Variants in EVI5 observed in about 807,000 individuals in gnomAD.
EVI5 encodes the protein ecotropic viral integration site 5.
Under a neutral mutation model 112.0 loss-of-function variants are expected in EVI5, and 73 were observed. The ratio of observed to expected loss-of-function variants is 0.65; its 90% CI spans 0.54 to 0.79. The LOEUF (loss-of-function observed/expected upper bound fraction) is 0.79. EVI5 is among the 30% of genes least tolerant of loss of function. The pLI is 0.00. For synonymous variants in EVI5, 305 were observed against 319.9 expected, an observed-to-expected ratio of 0.95 and a Z score of 0.50; for missense variants, 900 against 968.8, an observed-to-expected ratio of 0.93 and a Z score of 0.94.
chr1:92,579,695 GA>G (rs984037481), intron 18 of EVI5, among the ~76,000 whole-genome samples: 1 of 152,008 alleles, frequency 6.6e-6, no homozygotes, highest in African/African-American at 2.4e-5. Context: ...TGTTTGAGGG[GA>G]AAAAACTAGA....
rs201103592 is a variant in EVI5 at position 92,624,322 on chromosome 1, G to C, written c.1681C>G (p.Arg561Gly). The change falls in exon 16 of 20, where the codon CGT becomes GGT. Residue 561 changes from arginine to glycine, a missense_variant. Arg to Gly is a moderately radical substitution (Grantham distance 125). Coordinates refer to ENST00000684568, the MANE Select transcript of EVI5 (RefSeq NM_001350197.2). ...LEEHWQRHLA[R>G]TTGRWKDPPK... ...GGGTCTTTCCATCTCCCAGTAGTACGAGCTAAGTGGCGCTAAAGCATAAAA... is the reference window on the plus strand; with the variant it reads ...GGGTCTTTCCATCTCCCAGTAGTACCAGCTAAGTGGCGCTAAAGCATAAAA... 2 of 1,613,052 alleles carry C rather than the reference G, an allele frequency of 1.2e-6. No individual in the cohort carries two copies. Among genetic ancestry groups the C allele is most frequent in the Non-Finnish European group, 1.7e-6 (2 of 1,179,384 alleles).
chr1:92,651,577 C>T (rs1019258462), intron 13 of EVI5, among the ~76,000 whole-genome samples: 1 of 152,102 alleles, frequency 6.6e-6, no homozygotes, highest in African/African-American at 2.4e-5. Context: ...GGGGGCCGGG[C>T]GCAGTGGCTC....
chr1:92,722,040 C>T (rs1303580036), intron 2 of EVI5, among the ~76,000 whole-genome samples: 2 of 27,162 alleles, frequency 7.4e-5, no homozygotes, highest in Non-Finnish European at 1.3e-4. Flanking sequence ...CTTCATGTCC[C>T]ACTATTTTAA....
chr1:92,759,342 A>G (rs1681449428), intron 1 of EVI5, among the ~76,000 whole-genome samples: 3 of 152,198 alleles, frequency 2.0e-5, no homozygotes, highest in Non-Finnish European at 4.4e-5. Context: ...TCACATAATC[A>G]GTACTTTTTT....
At chr1:92,636,794 TA>T (rs1219296557) in intron 13 of EVI5, among the ~76,000 whole-genome samples, 7 of 152,264 alleles carry the variant, frequency 4.6e-5, no homozygotes, top group Middle Eastern at 3.4e-3. Flanking sequence ...TAATATGAAA[TA>T]AAAAAATCTC....
At chr1:92,623,602 C>T (rs1416346279) in intron 16 of EVI5, among the ~76,000 whole-genome samples, 2 of 152,228 alleles carry the variant, frequency 1.3e-5, no homozygotes, top group Non-Finnish European at 2.9e-5. Flanking sequence ...TTTGAATTCA[C>T]TGCCCAGGGT....
chr1:92,771,110 C>T (rs1243194089), intron 1 of EVI5, among the ~76,000 whole-genome samples: 1 of 152,050 alleles, frequency 6.6e-6, no homozygotes, highest in Non-Finnish European at 1.5e-5. Flanking sequence ...GCCACAGCGC[C>T]TGGCGAGAAG....
In EVI5 at chr1:92,736,257, C is replaced by T. The variant is rs181374148; in HGVS notation, c.149+141G>A. 8.3e-6 allele frequency: 5 copies of T among 601,734 alleles called. No individual in the cohort carries two copies. The East Asian group carries it at 1.4e-4, about 17-fold the overall frequency. The allele number at this position is 601,734 out of a possible 1,614,324, so 37.3% of individuals were successfully genotyped here. On this transcript the variant is annotated intron_variant, in intron 2 of 19. Transcript: ENST00000684568. ...GTTAGTCTCTTTTAAGACCAATCTC[C>T]CCCCAAAAAAGATGAACACTTCTGT...
intron 13 of EVI5, among the ~76,000 whole-genome samples, chr1:92,656,810 A>G (rs1400449143): frequency 6.6e-6 from 1 of 152,166 alleles, no homozygotes; most frequent in Non-Finnish European, 1.5e-5. Context: ...TGGAAGAATA[A>G]AGCTTTCTAA....
chr1:92,646,270 T>A (rs1053015881), intron 13 of EVI5, among the ~76,000 whole-genome samples: 4 of 152,228 alleles, frequency 2.6e-5, no homozygotes, highest in African/African-American at 9.7e-5. Context: ...GAAAATCACA[T>A]TTAAGTACAG....
chr1:92,589,185 T>C (rs1254712689), intron 18 of EVI5, among the ~76,000 whole-genome samples: 2 of 152,096 alleles, frequency 1.3e-5, no homozygotes, highest in Non-Finnish European at 2.9e-5. Flanking sequence ...GCTCCCAGCG[T>C]GAGTGATGCA....
intron 18 of EVI5, among the ~76,000 whole-genome samples, chr1:92,591,938 A>G (rs893374322): frequency 1.3e-5 from 2 of 152,172 alleles, no homozygotes; most frequent in Non-Finnish European, 2.9e-5. Context: ...TCAAACTAGA[A>G]CTCAGGATTA....
intron 18 of EVI5, among the ~76,000 whole-genome samples, chr1:92,581,760 C>A (rs1671968613): frequency 7.5e-6 from 1 of 133,882 alleles, no homozygotes; most frequent in African/African-American, 2.9e-5. Flanking sequence ...AGTTTCAAGC[C>A]ATCTTTGGTG....
At chr1:92,581,517 A>C (rs1300221171) in intron 18 of EVI5, among the ~76,000 whole-genome samples, 1 of 152,134 alleles carries the variant, frequency 6.6e-6, no homozygotes, top group African/African-American at 2.4e-5. Flanking sequence ...TTCTCCTGGG[A>C]TTTTGCTGAC....
At chr1:92,716,919 G>C (rs1003152254) in intron 2 of EVI5, among the ~76,000 whole-genome samples, 10 of 151,702 alleles carry the variant, frequency 6.6e-5, no homozygotes, top group African/African-American at 2.4e-4. Flanking sequence ...AACAAAGCTG[G>C]ATGGAGAATG....
intron 1 of EVI5, among the ~76,000 whole-genome samples, chr1:92,739,273 C>CAAA (rs72016918): frequency 0.64 from 48,551 of 76,312 alleles, 16,939 homozygotes; most frequent in East Asian, 0.89. Flanking sequence ...AACTCCGTCT[C>CAAA]AAAAAAAAAA....
intron 18 of EVI5, among the ~76,000 whole-genome samples, chr1:92,590,732 G>A (rs1673690158): frequency 6.6e-6 from 1 of 152,166 alleles, no homozygotes; most frequent in African/African-American, 2.4e-5. Flanking sequence ...AGCAAGGCAG[G>A]CCAACATTCA....
chr1:92,572,501 C>T (rs529039489), intron 18 of EVI5, among the ~76,000 whole-genome samples: 3 of 152,114 alleles, frequency 2.0e-5, no homozygotes, highest in Non-Finnish European at 4.4e-5. Flanking sequence ...CTACACTGCA[C>T]TTCATTTACA....
intron 18 of EVI5, among the ~76,000 whole-genome samples, chr1:92,591,490 C>A (rs548243319): frequency 6.6e-6 from 1 of 152,058 alleles, no homozygotes; most frequent in Non-Finnish European, 1.5e-5. Context: ...GACTTTAAAC[C>A]AACAAAGATC....
Sources: gnomAD v4.1 joint callset for allele counts (sites outside exome capture counted in the v4.1 genomes callset) on GRCh38, gnomAD v4.1.1 for gene constraint, MANE v1.5 for transcripts, NCBI Gene and HGNC (gene_info 2026-07-23, HGNC 2026-07-21) for gene names.